The following RNLS variants were observed in gnomAD, a reference collection of about 807,000 sequenced individuals.
RNLS encodes the protein renalase, FAD dependent amine oxidase.
A neutral mutation model predicts 39.8 loss-of-function variants in RNLS; 39 were observed. The ratio of observed to expected loss-of-function variants is 0.98; its 90% CI spans 0.76 to 1.28. The LOEUF (loss-of-function observed/expected upper bound fraction) is 1.28. Among genes scored for constraint, RNLS ranks in the 50% most tolerant of loss-of-function variants. The pLI is 0.00. For synonymous variants in RNLS, 147 were observed against 150.7 expected (o/e 0.98, Z 0.18); for missense variants, 410 against 413.3 (o/e 0.99, Z 0.07).
At chr10:88,207,249 G>A in the RNLS span, among the ~76,000 whole-genome samples, 2 of 152,042 alleles carry the variant, frequency 1.3e-5, no homozygotes. Flanking sequence ...ACAAGTTACA[G>A]ATGGGCAGAA....
At chr10:88,581,958 G>C (rs1850597478) in intron 2 of RNLS, among the ~76,000 whole-genome samples, 1 of 152,184 alleles carries the variant, frequency 6.6e-6, no homozygotes, top group African/African-American at 2.4e-5. Context: ...CTATTTCTCT[G>C]TAAGCATATT....
chr10:88,504,395 C>T (rs886690687), intron 4 of RNLS, among the ~76,000 whole-genome samples: 5 of 151,908 alleles, frequency 3.3e-5, no homozygotes, highest in Middle Eastern at 3.4e-3. Context: ...ATGAATAATA[C>T]GCCTCTTTTG....
intron 4 of RNLS, among the ~76,000 whole-genome samples, chr10:88,511,949 T>C (rs1021996925): frequency 2.2e-4 from 34 of 152,228 alleles, no homozygotes; most frequent in African/African-American, 8.0e-4. Context: ...TGCACAATAA[T>C]TTATTTAAAC....
intron 4 of RNLS, among the ~76,000 whole-genome samples, chr10:88,558,943 C>T (rs1849017559): frequency 6.6e-6 from 1 of 152,084 alleles, no homozygotes; most frequent in East Asian, 1.9e-4. Context: ...GAATATTTCC[C>T]CCTCCTATGG....
intron 5 of RNLS, among the ~76,000 whole-genome samples, chr10:88,320,583 A>G (rs184910638): frequency 1.7e-4 from 26 of 150,214 alleles, no homozygotes; most frequent in African/African-American, 5.9e-4. Flanking sequence ...CACAGTCTCA[A>G]AACAACAGAA....
intron 4 of RNLS, among the ~76,000 whole-genome samples, chr10:88,547,376 G>A (rs11202772): frequency 0.44 from 66,922 of 151,994 alleles, 15,885 homozygotes; most frequent in African/African-American, 0.62. Context: ...TGAAAAGCAA[G>A]TATTTCTTCA....
chr10:88,430,606 C>T (rs1232610455), intron 4 of RNLS, among the ~76,000 whole-genome samples: 3 of 151,882 alleles, frequency 2.0e-5, no homozygotes, highest in South Asian at 2.1e-4. Context: ...TTTTTTACTA[C>T]GAAGTATGGT....
chr10:88,219,317 A>C, the RNLS span, among the ~76,000 whole-genome samples: 1 of 152,198 alleles, frequency 6.6e-6, no homozygotes. Context: ...GTAGGTCAAC[A>C]TGCCCTTCCT....
chr10:88,379,927 C>A (rs370295324), intron 4 of RNLS, among the ~76,000 whole-genome samples: 1 of 152,134 alleles, frequency 6.6e-6, no homozygotes, highest in Non-Finnish European at 1.5e-5. Context: ...ATCAGCCCCC[C>A]GCTGTCCAGT....
intron 4 of RNLS, among the ~76,000 whole-genome samples, chr10:88,470,466 T>G (rs1468496314): frequency 2.6e-5 from 4 of 152,190 alleles, no homozygotes; most frequent in African/African-American, 9.6e-5. Flanking sequence ...TAATCATCAC[T>G]TAGTGTATTT....
At chr10:88,357,013 G>A (rs1000206880) in intron 5 of RNLS, among the ~76,000 whole-genome samples, 1 of 152,182 alleles carries the variant, frequency 6.6e-6, no homozygotes, top group African/African-American at 2.4e-5. Flanking sequence ...ACTCCTATCT[G>A]TATTGGTAAC....
chr10:88,252,425 G>A, the RNLS span, among the ~76,000 whole-genome samples: 2 of 152,164 alleles, frequency 1.3e-5, no homozygotes, highest in African/African-American at 4.8e-5. Context: ...CTCCCACACA[G>A]ACAAGTACAC....
At chr10:88,469,713 A>T (rs1843401226) in intron 4 of RNLS, among the ~76,000 whole-genome samples, 1 of 151,924 alleles carries the variant, frequency 6.6e-6, no homozygotes, top group Non-Finnish European at 1.5e-5. Context: ...CTTTTTTGAG[A>T]AAACCTGCTA....
At chr10:88,172,992 G>T in the RNLS span, among the ~76,000 whole-genome samples, 1 of 151,022 alleles carries the variant, frequency 6.6e-6, no homozygotes, top group African/African-American at 2.4e-5. Flanking sequence ...CACTAGCTGG[G>T]ACTACAGGCA....
At position 88,455,237 on chromosome 10, in the gene RNLS, T is replaced by G. The variant is rs547742007; in HGVS notation, c.527-92512A>C. Among the ~76,000 whole-genome samples, 5 of 148,768 alleles carry G rather than the reference T, an allele frequency of 3.4e-5. No individual in the cohort carries two copies. In the South Asian group the frequency reaches 1.1e-3, roughly 32 times the overall value. On this transcript the variant is annotated intron_variant, in intron 4 of 6. Transcript: ENST00000331772. ...GTGGATGTATCTCTTGCAGGTTGAT[T>G]GGAATGATGGACAATCAAAGTAAAG...
intron 5 of RNLS, among the ~76,000 whole-genome samples, chr10:88,315,339 T>C (rs918814910): frequency 6.6e-6 from 1 of 152,170 alleles, no homozygotes; most frequent in African/African-American, 2.4e-5. Context: ...CATTCACTCC[T>C]TAGTAGAATA....
chr10:88,398,062 T>C (rs995457288), intron 4 of RNLS, among the ~76,000 whole-genome samples: 3 of 152,078 alleles, frequency 2.0e-5, no homozygotes, highest in Non-Finnish European at 2.9e-5. Context: ...TTTTCGTACA[T>C]GTTTTTAAGA....
the RNLS span, among the ~76,000 whole-genome samples, chr10:88,175,473 A>T: frequency 6.6e-6 from 1 of 152,142 alleles, no homozygotes; most frequent in Admixed American, 6.5e-5. Flanking sequence ...GAATTTTAAA[A>T]TTTCCTTCTT....
the RNLS span, among the ~76,000 whole-genome samples, chr10:88,256,556 C>A: frequency 6.6e-6 from 1 of 152,210 alleles, no homozygotes; most frequent in African/African-American, 2.4e-5. Flanking sequence ...CTTTTTCATG[C>A]GGGGTCCGCC....
Sources: gnomAD v4.1 joint callset for allele counts (sites outside exome capture counted in the v4.1 genomes callset) on GRCh38, gnomAD v4.1.1 for gene constraint, MANE v1.5 for transcripts, NCBI Gene and HGNC (gene_info 2026-07-23, HGNC 2026-07-21) for gene names.